CD38: variants seen among roughly 807,000 people sequenced by gnomAD.
CD38 encodes CD38 molecule.
In CD38, 31 loss-of-function variants were observed where a neutral mutation model predicts 36.3. The ratio of observed to expected loss-of-function variants is 0.85; its 90% CI spans 0.64 to 1.15. CD38 has a LOEUF of 1.15. Among genes scored for constraint, CD38 ranks in the 50% most tolerant of loss-of-function variants. CD38 has a pLI of 0.00. For synonymous variants in CD38, 131 were observed against 135.2 expected (o/e 0.97, Z 0.22); for missense variants, 380 against 371.9 (o/e 1.02, Z -0.18).
At position 15,824,992 on chromosome 4, in the gene CD38, T is replaced by C. The variant is rs1723817647; in HGVS notation, c.475T>C (p.Trp159Arg). The change falls in exon 3 of 8, where the codon TGG (tryptophan) becomes CGG (arginine). Residue 159 changes from tryptophan (W) to arginine (R), a missense_variant. Trp to Arg is a moderately radical substitution (Grantham distance 101). Transcript: ENST00000226279. Reference protein sequence around the residue: ...LLGYLADDLTWCGEFNTSKIN... With the variant: ...LLGYLADDLTRCGEFNTSKIN... ...AGGCTACCTTGCTGATGACCTCACA[T>C]GGTGTGGTGAATTCAACACTTCCAG... 1.2e-6 allele frequency: 2 copies of C among 1,613,236 alleles called. No individual in the cohort carries two copies. The highest frequency in any genetic ancestry group is 1.3e-5 in the African/African-American group (1 of 75,002).
intron 3 of CD38, chr4:15,825,355 A>C (rs564839138): frequency 9.0e-5 from 24 of 267,332 alleles, no homozygotes; most frequent in African/African-American, 5.1e-4. Flanking sequence ...GGAGGAAAGC[A>C]AGGAGAGGTC....
intron 2 of CD38, among the ~76,000 whole-genome samples, chr4:15,824,428 T>G (rs982516179): frequency 6.6e-6 from 1 of 150,506 alleles, no homozygotes; most frequent in African/African-American, 2.4e-5. Flanking sequence ...TCTATTGTAT[T>G]TTTTTTTTAG....
At position 15,816,609 on chromosome 4, in the gene CD38, A is replaced by G. The variant is rs1343174438; in HGVS notation, c.332A>G (p.Lys111Arg). The change falls in exon 2 of 8, where the codon AAG becomes AGG. Residue 111 changes from lysine to arginine, a missense_variant. Coordinates refer to ENST00000226279, the MANE Select transcript of CD38 (RefSeq NM_001775.4). ...GAAGAAGACTATCAGCCACTAATGAAGTTGGGAACTCAGACCGTACCTTGC... is the reference window on the plus strand; with the variant it reads ...GAAGAAGACTATCAGCCACTAATGAGGTTGGGAACTCAGACCGTACCTTGC... The part of the protein sequence containing the change: ...ITEEDYQPLM[K>R]LGTQTVPCNK... 1 of 1,614,036 alleles carries G rather than the reference A, an allele frequency of 6.2e-7. No homozygotes were observed. The highest frequency in any genetic ancestry group is 8.5e-7 in the Non-Finnish European group (1 of 1,179,918).
At chr4:15,814,596 C>A (rs1363998575) in intron 1 of CD38, among the ~76,000 whole-genome samples, 1 of 151,906 alleles carries the variant, frequency 6.6e-6, no homozygotes, top group South Asian at 2.1e-4. Context: ...AGTGTTTAAT[C>A]CATCTTGAGT....
rs1429723942 is a variant in CD38, at chr4:15,791,272, C to T, written c.233+12625C>T. On this transcript the variant is annotated intron_variant, in intron 1 of 7. Coordinates refer to ENST00000226279, the MANE Select transcript of CD38 (RefSeq NM_001775.4). ...CTGGGAAGTGAGGAGCCCCTCTGCC[C>T]GGCCAGCCACCCCGTCCGGGAGGGG... 2.0e-3 allele frequency among the ~76,000 whole-genome samples: 114 copies of T among 56,742 alleles called. 34 individuals are homozygous for T. The highest frequency in any genetic ancestry group is 0.019 in the African/African-American group (105 of 5,508). The allele number at this position is 56,742 out of a possible 152,430, so 37.2% of individuals were successfully genotyped here.
chr4:15,848,583 C>T lies in CD38; in HGVS notation c.884C>T (p.Ser295Phe). 2 of 1,613,750 alleles carry T rather than the reference C, an allele frequency of 1.2e-6. No homozygotes were observed. The highest frequency in any genetic ancestry group is 1.7e-6 in the Non-Finnish European group (2 of 1,179,700). The part of the protein sequence containing the change: ...LQCVKNPEDS[S>F]CTSEI ...TGTGTGAAAAATCCTGAGGATTCAT[C>T]TTGCACATCTGAGATCTGAGCCAGT... is the stretch of plus-strand genomic sequence containing the variant. Residue 295 changes from serine (S) to phenylalanine (F), a missense_variant, in exon 8 of 8, where the codon TCT becomes TTT. Coordinates refer to ENST00000226279, the MANE Select transcript of CD38 (RefSeq NM_001775.4).
At chr4:15,805,188 T>C (rs1460180194) in intron 1 of CD38, among the ~76,000 whole-genome samples, 1 of 152,202 alleles carries the variant, frequency 6.6e-6, no homozygotes. Context: ...TACCTTTCCA[T>C]TTTCTTTAAT....
In CD38 at chr4:15,840,045, GT is replaced by G. The variant is rs767135836; in HGVS notation, c.680del (p.Val227AlafsTer12). The G allele has an allele frequency of 1.2e-6, 2 of 1,613,276 alleles. No homozygotes were observed. Among genetic ancestry groups the G allele is most frequent in the Non-Finnish European group, 1.7e-6 (2 of 1,179,256 alleles). ...DKNSTFGSVE[V>X]HNLQPEKVQT... ...TTTTAGCACTTTTGGGAGTGTGGAAGTCCATAATTTGCAACCAGAGAAGGTT... is the reference window on the plus strand; with the variant it reads ...TTTTAGCACTTTTGGGAGTGTGGAAGCCATAATTTGCAACCAGAGAAGGTT... On this transcript the variant is annotated frameshift_variant, in exon 6 of 8. Coordinates refer to ENST00000226279, the MANE Select transcript of CD38 (RefSeq NM_001775.4). LOFTEE classifies it high-confidence loss of function.
At chr4:15,835,540 G>C (rs956982033) in intron 4 of CD38, among the ~76,000 whole-genome samples, 1 of 151,838 alleles carries the variant, frequency 6.6e-6, no homozygotes, top group Non-Finnish European at 1.5e-5. Context: ...ACTATGCCCG[G>C]CTAATTTTTG....
At chr4:15,779,733 C>G (rs945247712) in intron 1 of CD38, among the ~76,000 whole-genome samples, 4 of 151,808 alleles carry the variant, frequency 2.6e-5, no homozygotes, top group African/African-American at 9.7e-5. Flanking sequence ...AGGCGTTCCT[C>G]CAGGCTGTAT....
At chr4:15,836,781 T>A (rs1247088498) in intron 4 of CD38, among the ~76,000 whole-genome samples, 7 of 152,232 alleles carry the variant, frequency 4.6e-5, no homozygotes. Flanking sequence ...GGGATTCATG[T>A]AAACCCTGGT....
chr4:15,838,303 A>C, intron 5 of CD38, 138 bp downstream of exon 5: 1 of 678,126 alleles, frequency 1.5e-6, no homozygotes. Context: ...AAAAATTTTG[A>C]ATTCCGTGGA....
chr4:15,830,447 C>A (rs1195470210), intron 3 of CD38, among the ~76,000 whole-genome samples: 1 of 152,064 alleles, frequency 6.6e-6, no homozygotes, highest in Non-Finnish European at 1.5e-5. Context: ...TATTAGATTT[C>A]TTTCCTATAG....
At chr4:15,814,516 A>G (rs768633931) in intron 1 of CD38, among the ~76,000 whole-genome samples, 9 of 152,182 alleles carry the variant, frequency 5.9e-5, no homozygotes, top group Non-Finnish European at 1.0e-4. Flanking sequence ...GTCTTTGCCC[A>G]TGCCTATGTC....
At chr4:15,783,311 A>C (rs2148913022) in intron 1 of CD38, among the ~76,000 whole-genome samples, 1 of 152,232 alleles carries the variant, frequency 6.6e-6, no homozygotes, top group South Asian at 2.1e-4. Flanking sequence ...GGAAGCTGGG[A>C]ATTTAGGAAG....
intron 1 of CD38, among the ~76,000 whole-genome samples, chr4:15,804,563 A>G (rs941956427): frequency 6.6e-6 from 1 of 152,216 alleles, no homozygotes; most frequent in Non-Finnish European, 1.5e-5. Flanking sequence ...AAAATGTGGG[A>G]TATATAGACA....
intron 5 of CD38, among the ~76,000 whole-genome samples, chr4:15,839,530 T>A (rs567086484): frequency 3.2e-4 from 48 of 149,412 alleles, no homozygotes; most frequent in Middle Eastern, 3.4e-3. Context: ...TTCACGCCAT[T>A]CTCCTCCCTC....
chr4:15,798,166 G>A lies in CD38; in HGVS notation c.234-18345G>A, dbSNP rs28595387. Among the ~76,000 whole-genome samples, 1,360 of 152,248 alleles carry A rather than the reference G, an allele frequency of 8.9e-3. 20 individuals are homozygous for A. The highest frequency in any genetic ancestry group is 0.031 in the African/African-American group (1,296 of 41,528). On this transcript the variant is annotated intron_variant, in intron 1 of 7. Coordinates refer to ENST00000226279, the MANE Select transcript of CD38 (RefSeq NM_001775.4). ...CCACCTTGGCCTCCCAAAGTGCTGGGATTACAGGCATGAGCCACAGAGCCT... is the reference window on the plus strand; with the variant it reads ...CCACCTTGGCCTCCCAAAGTGCTGGAATTACAGGCATGAGCCACAGAGCCT...
intron 1 of CD38, among the ~76,000 whole-genome samples, chr4:15,779,660 G>A (rs1013606630): frequency 1.1e-4 from 16 of 152,120 alleles, no homozygotes; most frequent in Admixed American, 6.5e-4. Context: ...GCTTCCCAGC[G>A]TCCCGTTAGT....
Sources: gnomAD v4.1 joint callset for allele counts (sites outside exome capture counted in the v4.1 genomes callset) on GRCh38, gnomAD v4.1.1 for gene constraint, MANE v1.5 for transcripts, NCBI Gene and HGNC (gene_info 2026-07-23, HGNC 2026-07-21) for gene names.